MAN1A1: variants seen among roughly 807,000 people sequenced by gnomAD.
MAN1A1 encodes mannosyl-oligosaccharide 1,2-alpha-mannosidase IA.
MAN1A1 carries 29 observed loss-of-function variants against 70.8 expected under a neutral mutation model. The ratio of observed to expected loss-of-function variants is 0.41; its 90% CI spans 0.31 to 0.56. The LOEUF (loss-of-function observed/expected upper bound fraction) is 0.56. Ranked by LOEUF, MAN1A1 falls within the 20% of genes least tolerant of loss-of-function variation. The pLI is 0.29. For synonymous variants in MAN1A1, 349 were observed against 330.1 expected, an observed-to-expected ratio of 1.06 and a Z score of -0.62; for missense variants, 747 against 841.3, an observed-to-expected ratio of 0.89 and a Z score of 1.39.
intron 6 of MAN1A1, among the ~76,000 whole-genome samples, chr6:119,241,834 A>C (rs6904368): frequency 0.073 from 11,076 of 152,124 alleles, 638 homozygotes; most frequent in African/African-American, 0.16. Flanking sequence ...AAAAAATGCC[A>C]GAATTTTATC....
chr6:119,260,937 A>G (rs1252928772), intron 5 of MAN1A1, among the ~76,000 whole-genome samples: 3 of 150,112 alleles, frequency 2.0e-5, no homozygotes, highest in Admixed American at 6.6e-5. Context: ...TGTCCATTGT[A>G]GCTACTCATG....
intron 5 of MAN1A1, among the ~76,000 whole-genome samples, chr6:119,284,354 C>A (rs958003794): frequency 2.0e-5 from 3 of 152,108 alleles, no homozygotes; most frequent in Non-Finnish European, 4.4e-5. Context: ...CTAGAAGGGT[C>A]TTCCTGCTGA....
At chr6:119,335,619 A>T (rs573714016) in intron 2 of MAN1A1, among the ~76,000 whole-genome samples, 14 of 152,226 alleles carry the variant, frequency 9.2e-5, no homozygotes, top group Non-Finnish European at 1.9e-4. Context: ...TCAGTGACAC[A>T]CAGGCCAAAG....
chr6:119,318,451 A>C (rs1053806087), intron 2 of MAN1A1, among the ~76,000 whole-genome samples: 1 of 152,208 alleles, frequency 6.6e-6, no homozygotes, highest in East Asian at 1.9e-4. Flanking sequence ...TCCTGAGCCA[A>C]ATGTGTGACC....
chr6:119,251,965 C>T (rs1775328484), intron 5 of MAN1A1, among the ~76,000 whole-genome samples: 1 of 152,122 alleles, frequency 6.6e-6, no homozygotes, highest in African/African-American at 2.4e-5. Flanking sequence ...GTAAATGTCC[C>T]CTCGAGAGGT....
chr6:119,313,816 C>T (rs919180136), intron 2 of MAN1A1, among the ~76,000 whole-genome samples: 1 of 151,226 alleles, frequency 6.6e-6, no homozygotes, highest in Non-Finnish European at 1.5e-5. Flanking sequence ...GTGGTAGGCT[C>T]GAAAAAGGGG....
At chr6:119,309,020 A>G (rs1347611176) in intron 2 of MAN1A1, among the ~76,000 whole-genome samples, 3 of 152,196 alleles carry the variant, frequency 2.0e-5, no homozygotes, top group Admixed American at 2.0e-4. Flanking sequence ...AGTTTCCTAC[A>G]TTTCAAAAGT....
chr6:119,330,515 A>T (rs1773279833), intron 2 of MAN1A1, among the ~76,000 whole-genome samples: 1 of 151,906 alleles, frequency 6.6e-6, no homozygotes, highest in Admixed American at 6.6e-5. Context: ...CTCATCTCTC[A>T]CCTGGATTAC....
At chr6:119,346,656 C>T (rs115032646) in intron 2 of MAN1A1, among the ~76,000 whole-genome samples, 9,109 of 152,296 alleles carry the variant, frequency 0.06, 314 homozygotes, top group Middle Eastern at 0.099. Flanking sequence ...GAGTCTGAGA[C>T]TGCTACTGCC....
At chr6:119,235,876 G>A (rs1039346522) in intron 6 of MAN1A1, among the ~76,000 whole-genome samples, 5 of 152,156 alleles carry the variant, frequency 3.3e-5, no homozygotes, top group Admixed American at 6.5e-5. Context: ...GATGGCTCAC[G>A]CCTGTAATTC....
chr6:119,221,198 T>C (rs1774350369), intron 6 of MAN1A1, among the ~76,000 whole-genome samples: 2 of 152,178 alleles, frequency 1.3e-5, no homozygotes, highest in South Asian at 4.2e-4. Flanking sequence ...TCTTTCAATA[T>C]GTAATTTTTA....
chr6:119,323,125 C>T (rs1014697966), intron 2 of MAN1A1, among the ~76,000 whole-genome samples: 3 of 152,194 alleles, frequency 2.0e-5, no homozygotes, highest in Non-Finnish European at 2.9e-5. Context: ...AACAAAAGAT[C>T]GCATTATAAA....
chr6:119,315,852 T>C (rs1274008065), intron 2 of MAN1A1, among the ~76,000 whole-genome samples: 1 of 152,230 alleles, frequency 6.6e-6, no homozygotes, highest in East Asian at 1.9e-4. Context: ...GTCTTGTGGT[T>C]GATGACTATG....
chr6:119,293,488 G>A (rs1297273549), intron 4 of MAN1A1, among the ~76,000 whole-genome samples: 2 of 152,040 alleles, frequency 1.3e-5, no homozygotes, highest in East Asian at 3.9e-4. Flanking sequence ...AAGGATACCA[G>A]TGACTGCTAT....
intron 5 of MAN1A1, among the ~76,000 whole-genome samples, chr6:119,255,638 GA>G (rs1017171548): frequency 2.0e-4 from 31 of 152,316 alleles, no homozygotes; most frequent in African/African-American, 7.2e-4. Flanking sequence ...CACAGATGAG[GA>G]AACTGAAGTT....
At chr6:119,270,294 C>A (rs1201285890) in intron 5 of MAN1A1, among the ~76,000 whole-genome samples, 3 of 152,094 alleles carry the variant, frequency 2.0e-5, no homozygotes, top group Non-Finnish European at 2.9e-5. Context: ...CATATATATG[C>A]ATATTTATGT....
chr6:119,278,942 C>G (rs1052789795), intron 5 of MAN1A1, among the ~76,000 whole-genome samples: 2 of 151,874 alleles, frequency 1.3e-5, no homozygotes, highest in Non-Finnish European at 2.9e-5. Context: ...CTTATACAGA[C>G]TGCAGAACCG....
intron 2 of MAN1A1, among the ~76,000 whole-genome samples, chr6:119,309,716 A>G (rs1772649034): frequency 6.6e-6 from 1 of 152,216 alleles, no homozygotes; most frequent in African/African-American, 2.4e-5. Context: ...GCTCCTGGTG[A>G]AAGGTAGAGC....
Position 119,189,667 on chromosome 6 carries a change from T to C in MAN1A1, c.1543A>G (p.Thr515Ala). ...ATGAAGAATAACATGTACTCACATG[T>C]TCGATTATATGATTCATGACAAGTA... ...ARTCHESYNR[T>A]FMKLGPEAFR... Residue 515 changes from threonine to alanine, a missense_variant, in exon 10 of 13, where the codon ACA becomes GCA. Thr to Ala is a moderately conservative substitution (Grantham distance 58). Coordinates refer to ENST00000368468, the MANE Select transcript of MAN1A1 (RefSeq NM_005907.4). The C allele has an allele frequency of 6.2e-7, 1 of 1,613,630 alleles. No homozygotes were observed. The highest frequency in any genetic ancestry group is 8.5e-7 in the Non-Finnish European group (1 of 1,179,710).
Sources: gnomAD v4.1 joint callset for allele counts (sites outside exome capture counted in the v4.1 genomes callset) on GRCh38, gnomAD v4.1.1 for gene constraint, MANE v1.5 for transcripts, NCBI Gene and HGNC (gene_info 2026-07-23, HGNC 2026-07-21) for gene names.